RNF150: variants seen among roughly 807,000 people sequenced by gnomAD.
RNF150 encodes the protein ring finger protein 150.
In RNF150, 24 loss-of-function variants were observed where a neutral mutation model predicts 39.3. The observed-to-expected ratio is 0.61, with a 90% CI of 0.44 to 0.86. The LOEUF is 0.86. Ranked by LOEUF, RNF150 falls within the 40% of genes least tolerant of loss-of-function variation. RNF150 has a pLI of 0.00. For missense variants in RNF150, 502 were observed against 587.8 expected (o/e 0.85, Z 1.51); for synonymous variants, 255 against 227.3 (o/e 1.12, Z -1.10).
intron 1 of RNF150, among the ~76,000 whole-genome samples, chr4:141,018,222 T>C (rs942098368): frequency 9.2e-5 from 14 of 152,144 alleles, no homozygotes; most frequent in African/African-American, 2.9e-4. Context: ...TCCTAATATT[T>C]TGTGTTTTGA....
At chr4:140,888,433 A>G (rs1729651603) in intron 6 of RNF150, among the ~76,000 whole-genome samples, 2 of 152,234 alleles carry the variant, frequency 1.3e-5, no homozygotes, top group South Asian at 2.1e-4. Context: ...CATGCATTTT[A>G]TAAGATCATA....
intron 1 of RNF150, among the ~76,000 whole-genome samples, chr4:141,022,658 C>A: frequency 6.6e-6 from 1 of 152,048 alleles, no homozygotes; most frequent in East Asian, 1.9e-4. Flanking sequence ...ATCTAAATGA[C>A]GAATGAATGG....
intron 1 of RNF150, among the ~76,000 whole-genome samples, chr4:141,079,818 G>A (rs978201821): frequency 2.0e-4 from 30 of 152,312 alleles, no homozygotes; most frequent in Admixed American, 5.9e-4. Flanking sequence ...GTAGCAGGCC[G>A]AACTCCAGGC....
At chr4:141,019,080 ATG>A (rs1735389725) in intron 1 of RNF150, among the ~76,000 whole-genome samples, 1 of 136,834 alleles carries the variant, frequency 7.3e-6, no homozygotes. Flanking sequence ...ATATATATAT[ATG>A]GAACTTTACA....
chr4:140,956,675 C>A (rs61425208), intron 2 of RNF150, among the ~76,000 whole-genome samples: 9,984 of 152,108 alleles, frequency 0.066, 849 homozygotes, highest in African/African-American at 0.2. Context: ...CTACAGTAAC[C>A]AAAACAGCAT....
chr4:140,992,483 C>T (rs1734228285), intron 1 of RNF150, among the ~76,000 whole-genome samples: 1 of 152,106 alleles, frequency 6.6e-6, no homozygotes, highest in Non-Finnish European at 1.5e-5. Context: ...CTGGGGCAGG[C>T]TTGGGAGACA....
chr4:140,967,360 C>T (rs919150264), intron 2 of RNF150, among the ~76,000 whole-genome samples: 1 of 151,894 alleles, frequency 6.6e-6, no homozygotes, highest in African/African-American at 2.4e-5. Flanking sequence ...CTTTTGTTCC[C>T]CTCATTATGT....
At chr4:140,885,926 C>T (rs527897629) in intron 6 of RNF150, among the ~76,000 whole-genome samples, 3 of 152,088 alleles carry the variant, frequency 2.0e-5, no homozygotes, top group African/African-American at 7.2e-5. Context: ...TATATATGTT[C>T]TAAGAAGTAT....
intron 1 of RNF150, among the ~76,000 whole-genome samples, chr4:141,141,377 C>T (rs1162349967): frequency 6.6e-6 from 1 of 152,202 alleles, no homozygotes; most frequent in Non-Finnish European, 1.5e-5. Flanking sequence ...TGCTGCTAGG[C>T]TTGACTCTAT....
At chr4:141,056,578 T>C (rs1201065332) in intron 1 of RNF150, among the ~76,000 whole-genome samples, 1 of 151,650 alleles carries the variant, frequency 6.6e-6, no homozygotes, top group Non-Finnish European at 1.5e-5. Context: ...TCCTCTCCTT[T>C]CTCCTCTGCT....
intron 1 of RNF150, among the ~76,000 whole-genome samples, chr4:141,103,643 G>A (rs1467830188): frequency 6.6e-6 from 1 of 152,082 alleles, no homozygotes; most frequent in Non-Finnish European, 1.5e-5. Context: ...CGGAACAATA[G>A]CTACCCATAT....
intron 1 of RNF150, among the ~76,000 whole-genome samples, chr4:140,974,876 C>T (rs1733603395): frequency 6.6e-6 from 1 of 152,104 alleles, no homozygotes; most frequent in African/African-American, 2.4e-5. Context: ...TCAACACAGG[C>T]TTGAACTGCA....
At chr4:140,905,805 G>A (rs562318051) in intron 6 of RNF150, among the ~76,000 whole-genome samples, 32 of 139,854 alleles carry the variant, frequency 2.3e-4, no homozygotes, top group East Asian at 1.1e-3. Context: ...CAAGACCTTC[G>A]TGGGGTCAAA....
Position 140,864,293 on chromosome 4 carries a change from C to G in RNF150, c.*3968G>C, listed in dbSNP as rs1728616206. On this transcript the variant is annotated 3_prime_UTR_variant, in exon 7 of 7. Coordinates refer to ENST00000515673, the MANE Select transcript of RNF150 (RefSeq NM_020724.2). ...CCAGAGTTGACACTGCAGGGGATATCTAACCCTAGAGATTAAGTCAATGTT... is the reference window on the plus strand; with the variant it reads ...CCAGAGTTGACACTGCAGGGGATATGTAACCCTAGAGATTAAGTCAATGTT... 2 of 152,196 alleles carry G rather than the reference C, an allele frequency of 1.3e-5. No individual in the cohort carries two copies. Among genetic ancestry groups the G allele is most frequent in the African/African-American group, 2.4e-5 (1 of 41,446 alleles). 9.4% of individuals were successfully genotyped at this position (152,196 alleles called of 1,614,324 possible).
intron 1 of RNF150, among the ~76,000 whole-genome samples, chr4:141,126,518 T>A (rs1346817711): frequency 6.6e-6 from 1 of 152,180 alleles, no homozygotes; most frequent in East Asian, 1.9e-4. Flanking sequence ...TACATAAAGA[T>A]GGAGTCCCAT....
intron 1 of RNF150, among the ~76,000 whole-genome samples, chr4:140,996,185 G>C (rs1390616039): frequency 6.6e-6 from 1 of 152,118 alleles, no homozygotes; most frequent in Non-Finnish European, 1.5e-5. Flanking sequence ...TGGGTGAGAT[G>C]ATATCTCATA....
intron 1 of RNF150, among the ~76,000 whole-genome samples, chr4:141,094,082 A>C (rs1387540146): frequency 6.6e-6 from 1 of 152,246 alleles, no homozygotes; most frequent in African/African-American, 2.4e-5. Flanking sequence ...ATAGCACAAG[A>C]ATGCAGAGAA....
At chr4:140,908,965 G>T (rs1730492338) in intron 6 of RNF150, among the ~76,000 whole-genome samples, 1 of 151,934 alleles carries the variant, frequency 6.6e-6, no homozygotes, top group Admixed American at 6.5e-5. Context: ...ATTTGTTTTT[G>T]TTCTCAAAAG....
rs561258870 is a variant in RNF150 at position 141,203,718 on chromosome 4, G to A, written c.-6+9076C>T. ...CATTTTTGCCAACAGTGCTGTTTGG[G>A]TTCTGAGGCGGATAGAGAAAAGTCC... On this transcript the variant is annotated intron_variant, in intron 1 of 7. Coordinates refer to the RNF150 transcript ENST00000420921. 8.4e-4 allele frequency among the ~76,000 whole-genome samples: 126 copies of A among 149,254 alleles called. 1 individual carries two copies. Among genetic ancestry groups the A allele is most frequent in the African/African-American group, 2.2e-3 (88 of 40,842 alleles).
Sources: allele counts gnomAD v4.1 joint callset (sites outside exome capture counted in the v4.1 genomes callset), GRCh38; gene constraint gnomAD v4.1.1; transcripts MANE v1.5; gene names NCBI Gene and HGNC (gene_info 2026-07-23, HGNC 2026-07-21).